Variants in NAA25 observed in about 807,000 individuals in gnomAD.
NAA25 encodes the protein N-terminal acetyltransferase B complex subunit NAA25.
In NAA25, 30 loss-of-function variants were observed where a neutral mutation model predicts 132.5. That is an observed-to-expected ratio of 0.23 (90% CI 0.17 to 0.31). NAA25 has a LOEUF of 0.31. Among genes scored for constraint, NAA25 ranks in the 10% least tolerant of loss-of-function variants. The probability of loss-of-function intolerance (pLI) is 1.00; values close to 1 mark genes in which losing one functional copy is unlikely to be tolerated. For missense variants in NAA25, 771 were observed against 1,150.4 expected, an observed-to-expected ratio of 0.67 and a Z score of 4.77; for synonymous variants, 359 against 401.9, an observed-to-expected ratio of 0.89 and a Z score of 1.28.
chr12:112,106,881 A>G (rs554309158), intron 1 of NAA25, among the ~76,000 whole-genome samples: 4 of 137,306 alleles, frequency 2.9e-5, no homozygotes, highest in African/African-American at 1.1e-4. Context: ...TGAACCCAGG[A>G]GGCGGAGGCT....
At chr12:112,080,265 C>G (rs2078952469) in intron 5 of NAA25, among the ~76,000 whole-genome samples, 1 of 121,850 alleles carries the variant, frequency 8.2e-6, no homozygotes, top group Non-Finnish European at 1.6e-5. Context: ...TGGGTTAGAG[C>G]GAGACTCTGT....
In NAA25 at chr12:112,029,399, C is replaced by T. The variant is rs185609164; in HGVS notation, c.*132G>A. On this transcript the variant is annotated 3_prime_UTR_variant, in exon 24 of 24. Coordinates refer to ENST00000261745, the MANE Select transcript of NAA25 (RefSeq NM_024953.4). ...TATATTTAACACCTAAAAAAATTCA[C>T]GATCAAAGTCCTTCATGCATTTTAT... The T allele has an allele frequency of 2.8e-4, 399 of 1,414,624 alleles. No homozygotes were observed. The highest frequency in any genetic ancestry group is 2.5e-3 in the Admixed American group (116 of 46,098). 87.6% of individuals were successfully genotyped at this position (1,414,624 alleles called of 1,614,324 possible).
At chr12:112,034,934 A>C (rs2078204272) in intron 22 of NAA25, 1 of 152,126 alleles carries the variant, frequency 6.6e-6, no homozygotes, top group Admixed American at 6.5e-5. Flanking sequence ...TCATCAATAT[A>C]ATTATAGCAT....
At chr12:112,041,971 G>T in intron 20 of NAA25, 68 bp downstream of exon 20, 1 of 954,436 alleles carries the variant, frequency 1.0e-6, no homozygotes, top group Admixed American at 3.4e-5. Flanking sequence ...GGGAATAGGG[G>T]AAAGAACTTC....
intron 22 of NAA25, chr12:112,034,900 T>A (rs552161480): frequency 6.6e-6 from 1 of 151,948 alleles, no homozygotes; most frequent in Non-Finnish European, 1.5e-5. Flanking sequence ...ATATTTATAA[T>A]ATTCAAAAAT....
rs534771088 is a variant in NAA25, at chr12:112,026,756, CACTT to C, written c.*2771_*2774del. The stretch of plus-strand genomic sequence containing the variant: ...AGTTTAAAGTAGATTTGCTATGCTT[CACTT>C]ACTTAAGGAAGAATATATACTTCCT... On this transcript the variant is annotated 3_prime_UTR_variant, in exon 24 of 24. Transcript: ENST00000261745. 7 of 152,190 alleles carry C rather than the reference CACTT, an allele frequency of 4.6e-5. No homozygotes were observed. The highest frequency in any genetic ancestry group is 7.3e-5 in the Non-Finnish European group (5 of 68,034). The allele number at this position is 152,190 out of a possible 1,614,324, so 9.4% of individuals were successfully genotyped here.
Position 112,049,591 on chromosome 12 carries a change from C to A in NAA25, c.1729-1148G>T. 1 of 985,788 alleles carries A rather than the reference C, an allele frequency of 1.0e-6. No homozygotes were observed. Among genetic ancestry groups the A allele is most frequent in the South Asian group, 4.7e-5 (1 of 21,292 alleles). The allele number at this position is 985,788 out of a possible 1,614,324, so 61.1% of individuals were successfully genotyped here. ...TTTAAACCCCCATGGGACACCTCGG[C>A]GAGCTGTTTGCCTGCAGTATCTGGA... On this transcript the variant is annotated intron_variant, in intron 15 of 23. Transcript: ENST00000261745. The surrounding 1 kb of genome is among the most constrained non-coding windows in gnomAD (Gnocchi z 4.7).
At chr12:112,105,331 T>C (rs2079347155) in intron 1 of NAA25, among the ~76,000 whole-genome samples, 1 of 152,076 alleles carries the variant, frequency 6.6e-6, no homozygotes, top group Admixed American at 6.6e-5. Context: ...AAGAAGGCAC[T>C]GGGGCTTACC....
chr12:112,039,039 ACT>A (rs1237604819), intron 22 of NAA25, among the ~76,000 whole-genome samples, 188 bp downstream of exon 22: 1 of 152,140 alleles, frequency 6.6e-6, no homozygotes, highest in Non-Finnish European at 1.5e-5. Context: ...TTAAAAAAAA[ACT>A]CAAAAAATCT....
intron 4 of NAA25, among the ~76,000 whole-genome samples, chr12:112,082,586 A>G (rs1454665006): frequency 6.6e-6 from 1 of 152,116 alleles, no homozygotes; most frequent in Non-Finnish European, 1.5e-5. Context: ...CAAAATCAAA[A>G]TAATAAAACT....
Position 112,078,749 on chromosome 12 carries a change from A to G in NAA25, c.478-8T>C, listed in dbSNP as rs371020204. 6.2e-7 allele frequency: 1 copy of G among 1,602,876 alleles called. No homozygotes were observed. The highest frequency in any genetic ancestry group is 8.5e-7 in the Non-Finnish European group (1 of 1,171,098). On this transcript the variant is annotated splice_region_variant and splice_polypyrimidine_tract_variant and intron_variant, in intron 5 of 23. Coordinates refer to ENST00000261745, the MANE Select transcript of NAA25 (RefSeq NM_024953.4). ...ATCCTGTGCCGATATAGACTGAAAG[A>G]AGAAAAATAATGTTTCATTCTAATT... is the stretch of plus-strand genomic sequence containing the variant.
chr12:112,055,321 C>A (rs2078529827), intron 13 of NAA25, among the ~76,000 whole-genome samples: 1 of 152,152 alleles, frequency 6.6e-6, no homozygotes, highest in African/African-American at 2.4e-5. Context: ...GTAAAACACA[C>A]ACACAGAAAA....
At chr12:112,092,195 C>T (rs530710094) in intron 2 of NAA25, among the ~76,000 whole-genome samples, 178 of 150,898 alleles carry the variant, frequency 1.2e-3, no homozygotes, top group African/African-American at 3.9e-3. Flanking sequence ...GAGCCAATAT[C>T]GTGCCACTGC....
chr12:112,074,620 T>C, intron 9 of NAA25, 55 bp downstream of exon 9: 1 of 1,005,296 alleles, frequency 9.9e-7, no homozygotes, highest in African/African-American at 1.6e-5. Flanking sequence ...ATGAAATCCT[T>C]TCACTACACT....
In NAA25 at chr12:112,087,892, C is replaced by G. The variant is rs147641679; in HGVS notation, c.284-91G>C. On this transcript the variant is annotated intron_variant, in intron 3 of 23. Transcript: ENST00000261745. ...TCCTATTTGGCAGAAATAGATGTCTCCTATCATTATAGAAGAAGTATCTGC... is the reference window on the plus strand; with the variant it reads ...TCCTATTTGGCAGAAATAGATGTCTGCTATCATTATAGAAGAAGTATCTGC... The G allele has an allele frequency of 1.9e-5, 15 of 787,248 alleles. No homozygotes were observed. The East Asian group carries it at 3.7e-4, about 19-fold the overall frequency. 48.8% of individuals were successfully genotyped at this position (787,248 alleles called of 1,614,324 possible). A position where few individuals can be genotyped will look rare whatever the true frequency, so the allele number is the denominator to read the frequency against.
In NAA25 at chr12:112,029,272, T is replaced by G; in HGVS notation, c.*259A>C. ...GGTGATGGGAAGAAGAAAAGTAGGG[T>G]TCTCTTGTTGCTGCCATATGCATAT... On this transcript the variant is annotated 3_prime_UTR_variant, in exon 24 of 24. Coordinates refer to ENST00000261745, the MANE Select transcript of NAA25 (RefSeq NM_024953.4). 2 of 407,464 alleles carry G rather than the reference T, an allele frequency of 4.9e-6. No homozygotes were observed. The highest frequency in any genetic ancestry group is 8.8e-6 in the Non-Finnish European group (2 of 227,938). 25.2% of individuals were successfully genotyped at this position (407,464 alleles called of 1,614,324 possible).
rs975712684 is a variant in NAA25 at position 112,027,701 on chromosome 12, T to C, written c.*1830A>G. 2 of 152,228 alleles carry C rather than the reference T, an allele frequency of 1.3e-5. No homozygotes were observed. The highest frequency in any genetic ancestry group is 4.8e-5 in the African/African-American group (2 of 41,446). The allele number at this position is 152,228 out of a possible 1,614,324, so 9.4% of individuals were successfully genotyped here. A position where few individuals can be genotyped will look rare whatever the true frequency, so the allele number is the denominator to read the frequency against. On this transcript the variant is annotated 3_prime_UTR_variant, in exon 24 of 24. Transcript: ENST00000261745. ...AGAGCATTTCTACAGTACAGTACTT[T>C]TTTGGATATTCAGAGAGACATCATT...
chr12:112,088,260 A>G (rs1593823657), intron 3 of NAA25, among the ~76,000 whole-genome samples: 2 of 150,438 alleles, frequency 1.3e-5, no homozygotes, highest in South Asian at 4.2e-4. Flanking sequence ...CTCCACTGCA[A>G]TTTGACCACT....
intron 19 of NAA25, among the ~76,000 whole-genome samples, chr12:112,042,656 G>A (rs938226713): frequency 1.1e-4 from 16 of 152,034 alleles, no homozygotes; most frequent in African/African-American, 3.4e-4. Flanking sequence ...ACAGGCGCCC[G>A]CCACCTTGCC....
Sources: gnomAD v4.1 joint callset for allele counts (sites outside exome capture counted in the v4.1 genomes callset) on GRCh38, gnomAD v4.1.1 for gene constraint, Gnocchi (gnomAD v3.1) non-coding constraint, MANE v1.5 for transcripts, NCBI Gene and HGNC (gene_info 2026-07-23, HGNC 2026-07-21) for gene names.